GPN1: variants seen among roughly 807,000 people sequenced by gnomAD.
GPN1 encodes GPN-loop GTPase 1.
A neutral mutation model predicts 55.9 loss-of-function variants in GPN1; 44 were observed. The observed-to-expected ratio is 0.79, with a 90% CI of 0.62 to 1.01. The LOEUF is 1.01. GPN1 is among the 50% of genes least tolerant of loss of function. The probability of loss-of-function intolerance (pLI) is 0.00; values close to 1 mark genes in which losing one functional copy is unlikely to be tolerated. For missense variants in GPN1, 466 were observed against 462.8 expected (o/e 1.01, Z -0.06); for synonymous variants, 179 against 162.5 (o/e 1.10, Z -0.77).
upstream of GPN1, chr2:27,628,469 C>A: frequency 3.9e-6 from 6 of 1,551,448 alleles, no homozygotes; most frequent in Non-Finnish European, 5.2e-6. Flanking sequence ...AAGGAATGAG[C>A]GCTAGCATCA....
At chr2:27,630,945 G>A (rs980674810) in intron 2 of GPN1, 82 bp from the exon 3 acceptor site, 5 of 731,154 alleles carry the variant, frequency 6.8e-6, no homozygotes, top group Non-Finnish European at 1.3e-5. Context: ...GACAGGAGAA[G>A]GCTAGAAGGC....
intron 13 of GPN1, among the ~76,000 whole-genome samples, chr2:27,649,698 G>A (rs141519221): frequency 1.7e-3 from 266 of 152,112 alleles, no homozygotes; most frequent in Non-Finnish European, 3.0e-3. Context: ...GCATGTATCA[G>A]TATGTTCTTT....
rs1042019758 is a variant in GPN1 at position 27,650,148 on chromosome 2, A to C, written c.1073A>C (p.Gln358Pro). ...TEESHEEPAF[Q>P]NFMQESMAQY... ...GAAAGCCATGAAGAGCCAGCATTCCAGAATTTTATGCAAGAATCGATGGCA... is the reference window on the plus strand; with the variant it reads ...GAAAGCCATGAAGAGCCAGCATTCCCGAATTTTATGCAAGAATCGATGGCA... The change falls in exon 14 of 14, where the codon CAG becomes CCG. Residue 358 changes from glutamine (Q) to proline (P), a missense_variant. By Grantham distance (76) the Gln-to-Pro change is moderately conservative. Coordinates refer to ENST00000610189, the MANE Select transcript of GPN1 (RefSeq NM_007266.4). 1 of 1,608,588 alleles carries C rather than the reference A, an allele frequency of 6.2e-7. No individual in the cohort carries two copies. Among genetic ancestry groups the C allele is most frequent in the Non-Finnish European group, 8.5e-7 (1 of 1,175,080 alleles).
intron 2 of GPN1, among the ~76,000 whole-genome samples, chr2:27,630,211 C>T (rs914601932): frequency 2.0e-5 from 3 of 152,014 alleles, no homozygotes; most frequent in African/African-American, 4.8e-5. Context: ...TGCTTGAACC[C>T]GGGTGGCAGA....
chr2:27,641,784 A>G (rs1033722828), intron 11 of GPN1, among the ~76,000 whole-genome samples: 12 of 152,160 alleles, frequency 7.9e-5, no homozygotes, highest in Admixed American at 2.6e-4. Context: ...TTTTTTGTAT[A>G]GACAAGGTCT....
At chr2:27,631,121 A>G in intron 3 of GPN1, 55 bp downstream of exon 3, 4 of 924,378 alleles carry the variant, frequency 4.3e-6, no homozygotes, top group Non-Finnish European at 7.1e-6. Flanking sequence ...TTGTCTGTGT[A>G]TTTTGTGGCT....
intron 1 of GPN1, chr2:27,629,395 C>T: frequency 1.3e-6 from 2 of 1,551,182 alleles, no homozygotes; most frequent in South Asian, 2.4e-5. Context: ...GTCCAGCTTA[C>T]CACGTTGTAC....
At chr2:27,633,332 G>T (rs552383558) in intron 5 of GPN1, among the ~76,000 whole-genome samples, 2 of 152,240 alleles carry the variant, frequency 1.3e-5, no homozygotes, top group Admixed American at 6.5e-5. Context: ...TTGAGACAGG[G>T]TCTTGCTCTG....
intron 1 of GPN1, among the ~76,000 whole-genome samples, 195 bp from the exon 2 acceptor site, chr2:27,629,658 AGTAGGG>A (rs1329959648): frequency 2.6e-5 from 4 of 152,216 alleles, no homozygotes; most frequent in African/African-American, 9.6e-5. Context: ...AGTGACTACG[AGTAGGG>A]GAAGCTTTGT....
intron 8 of GPN1, 21 bp downstream of exon 8, chr2:27,638,276 G>A: frequency 7.1e-7 from 1 of 1,414,864 alleles, no homozygotes; most frequent in South Asian, 1.2e-5. Context: ...TCTTCCTGTT[G>A]TGATTCACCA....
chr2:27,629,194 T>C, intron 1 of GPN1, 25 bp downstream of exon 1: 4 of 1,609,292 alleles, frequency 2.5e-6, no homozygotes, highest in Non-Finnish European at 3.4e-6. Context: ...ATGGGTGTAG[T>C]AGGGGAGCGC....
chr2:27,632,032 C>T lies in GPN1; in HGVS notation c.312+132C>T, dbSNP rs546349602. 67 of 674,472 alleles carry T rather than the reference C, an allele frequency of 9.9e-5. 1 individual carries two copies. In the South Asian group the frequency reaches 1.1e-3, roughly 11 times the overall value. 41.8% of individuals were successfully genotyped at this position (674,472 alleles called of 1,614,324 possible). On this transcript the variant is annotated intron_variant, in intron 4 of 13. Transcript: ENST00000610189. Reference sequence around the variant, plus strand: ...TATAGAAAATAAGTAGGCATTTTGTCAGACAGAGAAGTAGACTATGAGAAG... The same window carrying T: ...TATAGAAAATAAGTAGGCATTTTGTTAGACAGAGAAGTAGACTATGAGAAG...
chr2:27,639,757 C>G (rs1673865801), intron 9 of GPN1, among the ~76,000 whole-genome samples: 2 of 152,158 alleles, frequency 1.3e-5, no homozygotes, highest in African/African-American at 2.4e-5. Flanking sequence ...TGCTTGGCCT[C>G]AAGTGCACCT....
Position 27,635,124 on chromosome 2 carries a change from T to G in GPN1, c.430-16T>G, listed in dbSNP as rs759998196. 4.8e-6 allele frequency: 7 copies of G among 1,472,174 alleles called. No individual in the cohort carries two copies. The highest frequency in any genetic ancestry group is 5.7e-6 in the Non-Finnish European group (6 of 1,054,658). The allele number at this position is 1,472,174 out of a possible 1,614,324, so 91.2% of individuals were successfully genotyped here. On this transcript the variant is annotated splice_polypyrimidine_tract_variant and intron_variant, in intron 6 of 13. Coordinates refer to ENST00000610189, the MANE Select transcript of GPN1 (RefSeq NM_007266.4). ...TGAGCCCTCTGACCAAGGCTTTGAT[T>G]TTTTTGTGGCTTTAGGCATCCTCAT...
In GPN1 at chr2:27,647,880, C is replaced by T. The variant is rs778110020; in HGVS notation, c.976C>T (p.Arg326Ter). The T allele has an allele frequency of 5.6e-6, 9 of 1,613,694 alleles. No homozygotes were observed. The highest frequency in any genetic ancestry group is 2.2e-5 in the East Asian group (1 of 44,868). ...VLHPSDLILT[R>*]GTLDEEDEEA... The stretch of plus-strand genomic sequence containing the variant: ...GCACCCTTCTGATTTGATCCTGACT[C>T]GAGGAACCTTGGATGAAGAGGATGA... Residue 326 changes from arginine (R) to a stop codon, truncating the protein, a stop_gained, in exon 13 of 14, where the codon CGA becomes TGA. Coordinates refer to ENST00000610189, the MANE Select transcript of GPN1 (RefSeq NM_007266.4). LOFTEE classifies it high-confidence loss of function.
intron 7 of GPN1, among the ~76,000 whole-genome samples, chr2:27,635,799 C>G (rs1387821593): frequency 1.3e-5 from 2 of 152,012 alleles, no homozygotes; most frequent in African/African-American, 4.8e-5. Flanking sequence ...CTTGGGGCAA[C>G]AAGAGCCTGG....
At position 27,650,758 on chromosome 2, in the gene GPN1, C is replaced by A. The variant is rs1178158840; in HGVS notation, c.*558C>A. On this transcript the variant is annotated 3_prime_UTR_variant, in exon 14 of 14. Transcript: ENST00000610189. ...CACTGTATAGCTCATTATAGGACGT[C>A]AGGTTTGTTGAAAAAAGTGGGCAAG... 1 of 152,716 alleles carries A rather than the reference C, an allele frequency of 6.5e-6. No homozygotes were observed. Among genetic ancestry groups the A allele is most frequent in the Non-Finnish European group, 1.5e-5 (1 of 68,026 alleles). The allele number at this position is 152,716 out of a possible 1,614,324, so 9.5% of individuals were successfully genotyped here. A position where few individuals can be genotyped will look rare whatever the true frequency, so the allele number is the denominator to read the frequency against.
At chr2:27,642,994 C>CACACACAT (rs1444559015) in intron 12 of GPN1, among the ~76,000 whole-genome samples, 1 of 149,660 alleles carries the variant, frequency 6.7e-6, no homozygotes, top group Non-Finnish European at 1.5e-5. Context: ...CACACACACA[C>CACACACAT]ATACATATGC....
chr2:27,641,209 A>C, intron 10 of GPN1, 31 bp from the exon 11 acceptor site: 1 of 1,538,868 alleles, frequency 6.5e-7, no homozygotes. Context: ...AGGATTAAGC[A>C]AAGGAATTTA....
Sources: allele counts gnomAD v4.1 joint callset (sites outside exome capture counted in the v4.1 genomes callset), GRCh38; gene constraint gnomAD v4.1.1; transcripts MANE v1.5; gene names NCBI Gene and HGNC (gene_info 2026-07-23, HGNC 2026-07-21).